Variants in RYR3 observed in about 807,000 individuals in gnomAD.
RYR3 encodes ryanodine receptor 3.
In RYR3, 207 loss-of-function variants were observed where a neutral mutation model predicts 584.3. The observed-to-expected ratio is 0.35, with a 90% confidence interval of 0.32 to 0.40. RYR3 has a LOEUF of 0.40. RYR3 is among the 10% of genes least tolerant of loss of function. The pLI is 1.00. For synonymous variants in RYR3, 2,416 were observed against 2,248.5 expected (o/e 1.07, Z -2.11); for missense variants, 5,616 against 6,089.2 (o/e 0.92, Z 2.59).
intron 65 of RYR3, among the ~76,000 whole-genome samples, chr15:33,784,906 A>G (rs1474930235): frequency 1.3e-5 from 2 of 151,946 alleles, no homozygotes; most frequent in Non-Finnish European, 2.9e-5. Flanking sequence ...TGAATATTGA[A>G]CTCTGTCTGT....
In RYR3 at chr15:33,748,270, C is replaced by T; in HGVS notation, c.8136+10C>T. 2 of 1,613,302 alleles carry T rather than the reference C, an allele frequency of 1.2e-6. No individual in the cohort carries two copies. Among genetic ancestry groups the T allele is most frequent in the Non-Finnish European group, 8.5e-7 (1 of 1,179,626 alleles). The stretch of plus-strand genomic sequence containing the variant: ...GTCCCAGGCCAACCAGGTATGACAC[C>T]ACACCCAGAGGCCCACGCTGGGCCG... On this transcript the variant is annotated intron_variant, in intron 54 of 103. Transcript: ENST00000634891.
rs1969896354 is a variant in RYR3 at position 33,327,707 on chromosome 15, T to G, written c.51+16611T>G. The stretch of plus-strand genomic sequence containing the variant: ...AGGGGAAGTTGCCTGCCTGCCTGCC[T>G]GCCTGCCTTCCTTCCTTCCTTCCTC... On this transcript the variant is annotated intron_variant, in intron 1 of 103. Transcript: ENST00000634891. Among the ~76,000 whole-genome samples the G allele has an allele frequency of 2.6e-5, 4 of 152,216 alleles. No individual in the cohort carries two copies. In the South Asian group the frequency reaches 8.3e-4, roughly 31 times the overall value.
chr15:33,569,398 C>T (rs1448957023), intron 12 of RYR3, among the ~76,000 whole-genome samples: 1 of 152,128 alleles, frequency 6.6e-6, no homozygotes, highest in East Asian at 1.9e-4. Flanking sequence ...TAAACAAGAA[C>T]TCCCTATTCT....
chr15:33,593,216 G>A (rs751247345), intron 16 of RYR3, among the ~76,000 whole-genome samples: 2 of 152,200 alleles, frequency 1.3e-5, no homozygotes, highest in Non-Finnish European at 1.5e-5. Flanking sequence ...GTTTTCCTCA[G>A]TGATTGTGAG....
In RYR3 at chr15:33,603,199, G is replaced by A. The variant is rs1567641089; in HGVS notation, c.1999G>A (p.Asp667Asn). ...GAAGTGGTACTTCGAGCTGATTATC[G>A]ACCAGGTGGACCCCTTCCTAACAGC... ...YKKWYFELII[D>N]QVDPFLTAEP... Residue 667 changes from aspartate (D) to asparagine (N), a missense_variant, in exon 18 of 104, where the codon GAC (aspartate) becomes AAC (asparagine). Asp to Asn is a conservative substitution (Grantham distance 23). Around this residue, in one of 9 missense-constraint regions of RYR3, gnomAD observed 1,284 missense variants for 1,344.6 expected, o/e 0.95. Coordinates refer to ENST00000634891, the MANE Select transcript of RYR3 (RefSeq NM_001036.6). 5.0e-6 allele frequency: 8 copies of A among 1,613,730 alleles called. No homozygotes were observed. Among genetic ancestry groups the A allele is most frequent in the Non-Finnish European group, 5.9e-6 (7 of 1,179,858 alleles).
intron 103 of RYR3, 113 bp downstream of exon 103, chr15:33,864,302 G>A (rs1889641766): frequency 5.0e-6 from 4 of 796,222 alleles, no homozygotes; most frequent in Admixed American, 2.5e-5. Flanking sequence ...TCCCGTGAAT[G>A]CATTTTCCCA....
intron 1 of RYR3, among the ~76,000 whole-genome samples, chr15:33,330,050 C>G (rs1970193559): frequency 6.6e-6 from 1 of 152,146 alleles, no homozygotes; most frequent in African/African-American, 2.4e-5. Context: ...GCCTAGGGCA[C>G]TCTGGGCCAA....
chr15:33,317,641 A>C (rs1329239735), intron 1 of RYR3, among the ~76,000 whole-genome samples: 1 of 152,204 alleles, frequency 6.6e-6, no homozygotes, highest in Admixed American at 6.5e-5. Context: ...TGAGATGCCA[A>C]GATTATTTTT....
chr15:33,805,694 G>C (rs989562596), intron 69 of RYR3, among the ~76,000 whole-genome samples: 4 of 151,458 alleles, frequency 2.6e-5, no homozygotes, highest in African/African-American at 9.7e-5. Context: ...AGCCAGGATG[G>C]TCTCGATCTC....
At chr15:33,688,905 A>G (rs977105206) in intron 38 of RYR3, among the ~76,000 whole-genome samples, 3 of 152,144 alleles carry the variant, frequency 2.0e-5, no homozygotes, top group Non-Finnish European at 4.4e-5. Flanking sequence ...AAGTCATGCT[A>G]CTATAAAGAC....
In RYR3 at chr15:33,636,526, T is replaced by A. The variant is rs2061507038; in HGVS notation, c.3532T>A (p.Phe1178Ile). 6.2e-7 allele frequency: 1 copy of A among 1,602,812 alleles called. No individual in the cohort carries two copies. Among genetic ancestry groups the A allele is most frequent in the African/African-American group, 1.3e-5 (1 of 74,368 alleles). The change falls in exon 27 of 104, where the codon TTC (phenylalanine) becomes ATC (isoleucine). Residue 1178 changes from phenylalanine (F) to isoleucine (I), a missense_variant. Physicochemically the swap from Phe to Ile is conservative, Grantham distance 21. Coordinates refer to ENST00000634891, the MANE Select transcript of RYR3 (RefSeq NM_001036.6). The part of the protein sequence containing the change: ...LITNKGSELA[F>I]ADYEIENGFV... Reference sequence around the variant, plus strand: ...CACCAACAAAGGCTCTGAACTTGCCTTCGCTGACTACGAGATTGAGAATGG... The same window carrying A: ...CACCAACAAAGGCTCTGAACTTGCCATCGCTGACTACGAGATTGAGAATGG...
chr15:33,700,003 C>T (rs969891015), intron 41 of RYR3, among the ~76,000 whole-genome samples, 170 bp downstream of exon 41: 3 of 152,224 alleles, frequency 2.0e-5, no homozygotes, highest in Admixed American at 1.3e-4. Flanking sequence ...GCCACAAGAA[C>T]GTTCTCCAAC....
intron 70 of RYR3, among the ~76,000 whole-genome samples, chr15:33,810,010 A>G (rs780530696): frequency 1.3e-5 from 2 of 152,146 alleles, no homozygotes; most frequent in Non-Finnish European, 2.9e-5. Context: ...GCATTGGCTC[A>G]TGGTCGGGAG....
At position 33,500,628 on chromosome 15, in the gene RYR3, C is replaced by T. The variant is rs188899529; in HGVS notation, c.172-3003C>T. Among the ~76,000 whole-genome samples, 5 of 152,286 alleles carry T rather than the reference C, an allele frequency of 3.3e-5. No homozygotes were observed. In the East Asian group the frequency reaches 9.7e-4, roughly 29 times the overall value. On this transcript the variant is annotated intron_variant, in intron 2 of 103. Coordinates refer to ENST00000634891, the MANE Select transcript of RYR3 (RefSeq NM_001036.6). ...GGAGCTATTTCAGAACAGATGTCAA[C>T]AGAGCCCTTCTCTCCATGCTGAGAG...
At chr15:33,357,613 C>A (rs746613671) in intron 1 of RYR3, among the ~76,000 whole-genome samples, 1 of 152,132 alleles carries the variant, frequency 6.6e-6, no homozygotes, top group Non-Finnish European at 1.5e-5. Flanking sequence ...CTATTGATAT[C>A]ATAGAAAATT....
At chr15:33,533,110 CT>C (rs1386445305) in intron 4 of RYR3, among the ~76,000 whole-genome samples, 200 bp from the exon 5 acceptor site, 1 of 152,104 alleles carries the variant, frequency 6.6e-6, no homozygotes, top group Non-Finnish European at 1.5e-5. Flanking sequence ...GAATGAGACC[CT>C]GACTCTAAAA....
At chr15:33,395,422 CTTTT>C (rs1183147648) in intron 1 of RYR3, among the ~76,000 whole-genome samples, 7 of 152,156 alleles carry the variant, frequency 4.6e-5, no homozygotes, top group Admixed American at 1.3e-4. Context: ...ACTTAGGGGT[CTTTT>C]ATTTTTATCA....
intron 72 of RYR3, among the ~76,000 whole-genome samples, chr15:33,811,691 G>A (rs939971498): frequency 6.6e-6 from 1 of 152,058 alleles, no homozygotes; most frequent in African/African-American, 2.4e-5. Flanking sequence ...CATAGCAGTG[G>A]CGTGTAGCTT....
At chr15:33,612,629 G>C (rs2060252154) in intron 18 of RYR3, among the ~76,000 whole-genome samples, 1 of 152,188 alleles carries the variant, frequency 6.6e-6, no homozygotes. Context: ...GGAAGTGCTG[G>C]GATTACAGGC....
Sources: gnomAD v4.1 joint callset for allele counts (sites outside exome capture counted in the v4.1 genomes callset) on GRCh38, gnomAD v4.1.1 for gene constraint, gnomAD v4.1.1 regional missense constraint, MANE v1.5 for transcripts, NCBI Gene and HGNC (gene_info 2026-07-23, HGNC 2026-07-21) for gene names.